ADGRL3: variants seen among roughly 807,000 people sequenced by gnomAD.
ADGRL3 encodes calcium-independent alpha-latrotoxin receptor 3.
In ADGRL3, 62 loss-of-function variants were observed where a neutral mutation model predicts 153.5. That is an observed-to-expected ratio of 0.40 (90% CI 0.33 to 0.50). ADGRL3 has a LOEUF of 0.50. ADGRL3 is among the 20% of genes least tolerant of loss of function. ADGRL3 has a pLI of 0.47. For missense variants in ADGRL3, 1,641 were observed against 1,859.4 expected, an observed-to-expected ratio of 0.88 and a Z score of 2.16; for synonymous variants, 710 against 672.5, an observed-to-expected ratio of 1.06 and a Z score of -0.86.
chr4:61,974,677 A>C (rs2150728276), intron 17 of ADGRL3, among the ~76,000 whole-genome samples: 1 of 152,326 alleles, frequency 6.6e-6, no homozygotes, highest in Admixed American at 6.5e-5. Flanking sequence ...ACAATGACTA[A>C]ATTGAAGTGA....
intron 4 of ADGRL3, among the ~76,000 whole-genome samples, chr4:61,520,387 A>T (rs1006965658): frequency 2.0e-5 from 3 of 152,184 alleles, no homozygotes; most frequent in African/African-American, 7.2e-5. Flanking sequence ...AACCACACAG[A>T]CAGTGGTGCC....
chr4:62,055,823 G>A (rs1176909057), intron 25 of ADGRL3, among the ~76,000 whole-genome samples: 1 of 151,518 alleles, frequency 6.6e-6, no homozygotes, highest in Admixed American at 6.6e-5. Flanking sequence ...CTAAAAATAG[G>A]AAACAAAATA....
intron 2 of ADGRL3, among the ~76,000 whole-genome samples, chr4:61,444,442 G>T (rs2097559719): frequency 6.6e-6 from 1 of 151,888 alleles, no homozygotes. Context: ...ATGTTTTTTT[G>T]TTCTTGAACA....
At chr4:61,736,947 A>G (rs1419074304) in intron 8 of ADGRL3, among the ~76,000 whole-genome samples, 2 of 152,354 alleles carry the variant, frequency 1.3e-5, no homozygotes, top group Middle Eastern at 3.4e-3. Context: ...GAATATGTAT[A>G]GAAATAAATT....
At position 61,221,496 on chromosome 4, in the gene ADGRL3, C is replaced by A. The variant is rs563987359; in HGVS notation, c.-240+19731C>A. ...TTCAAAAGAGACATACAATTTTAAA[C>A]CTCTCTTGATAGTTGAAAATATTTT... On this transcript the variant is annotated intron_variant, in intron 1 of 26. Transcript: ENST00000683033. 3.3e-5 allele frequency among the ~76,000 whole-genome samples: 5 copies of A among 152,200 alleles called. No homozygotes were observed. In the South Asian group the frequency reaches 1.0e-3, roughly 32 times the overall value.
At chr4:61,649,197 T>C (rs1315275462) in intron 5 of ADGRL3, among the ~76,000 whole-genome samples, 1 of 152,092 alleles carries the variant, frequency 6.6e-6, no homozygotes, top group East Asian at 1.9e-4. Flanking sequence ...TCTTAGTAGT[T>C]ACATATGGAT....
intron 17 of ADGRL3, among the ~76,000 whole-genome samples, chr4:61,969,290 T>G (rs1228302924): frequency 6.6e-6 from 1 of 151,982 alleles, no homozygotes; most frequent in Non-Finnish European, 1.5e-5. Context: ...CGTTGATTTT[T>G]TTGGGGGGTG....
chr4:61,370,664 T>A (rs1260959600), intron 1 of ADGRL3, among the ~76,000 whole-genome samples: 4 of 151,920 alleles, frequency 2.6e-5, no homozygotes, highest in African/African-American at 9.7e-5. Flanking sequence ...GTGGTCAATT[T>A]TGGAATAGGT....
intron 1 of ADGRL3, among the ~76,000 whole-genome samples, chr4:61,276,434 A>G (rs1284530195): frequency 6.6e-6 from 1 of 152,212 alleles, no homozygotes; most frequent in Admixed American, 6.5e-5. Context: ...CAATTCTGCT[A>G]TATATGAATT....
intron 2 of ADGRL3, among the ~76,000 whole-genome samples, chr4:61,460,736 G>A (rs1342593527): frequency 6.6e-6 from 1 of 152,096 alleles, no homozygotes; most frequent in Non-Finnish European, 1.5e-5. Flanking sequence ...ATGGCAGCAG[G>A]CAAGAGAGAA....
intron 12 of ADGRL3, among the ~76,000 whole-genome samples, chr4:61,911,412 T>C (rs2098721189): frequency 6.6e-6 from 1 of 152,162 alleles, no homozygotes; most frequent in Admixed American, 6.6e-5. Context: ...TTGGCTCTTT[T>C]CAGTTGTTTA....
At chr4:61,375,665 C>T (rs1361288160) in intron 1 of ADGRL3, among the ~76,000 whole-genome samples, 3 of 151,990 alleles carry the variant, frequency 2.0e-5, no homozygotes, top group Admixed American at 6.6e-5. Flanking sequence ...AGTACAGAGC[C>T]TCTGTAAACG....
At chr4:61,319,183 T>G (rs943594151) in intron 1 of ADGRL3, among the ~76,000 whole-genome samples, 4 of 152,080 alleles carry the variant, frequency 2.6e-5, no homozygotes, top group African/African-American at 9.7e-5. Context: ...AGTGTAAAAA[T>G]TTGTTAGAGA....
At chr4:61,562,553 G>A (rs1180477895) in intron 4 of ADGRL3, among the ~76,000 whole-genome samples, 1 of 152,092 alleles carries the variant, frequency 6.6e-6, no homozygotes, top group Non-Finnish European at 1.5e-5. Context: ...CTCCCAGAAT[G>A]TTCACCCGGA....
In ADGRL3 at chr4:61,269,583, A is replaced by G. The variant is rs568123929; in HGVS notation, c.-240+67818A>G. On this transcript the variant is annotated intron_variant, in intron 1 of 26. Transcript: ENST00000683033. ...AAACATGACATTAAATAAAGCCATAAAAAACTCTATTTTGCTTTGCAACTT... is the reference window on the plus strand; with the variant it reads ...AAACATGACATTAAATAAAGCCATAGAAAACTCTATTTTGCTTTGCAACTT... 2.0e-5 allele frequency among the ~76,000 whole-genome samples: 3 copies of G among 151,834 alleles called. No homozygotes were observed. In the East Asian group the frequency reaches 5.8e-4, roughly 29 times the overall value.
chr4:61,921,305 G>A (rs557277643), intron 13 of ADGRL3, among the ~76,000 whole-genome samples: 2 of 152,050 alleles, frequency 1.3e-5, no homozygotes, highest in East Asian at 1.9e-4. Context: ...TCCAGGGCAC[G>A]CCACTGACAT....
At chr4:61,492,020 A>C (rs201918803) in intron 2 of ADGRL3, among the ~76,000 whole-genome samples, 2 of 150,572 alleles carry the variant, frequency 1.3e-5, no homozygotes, top group African/African-American at 4.9e-5. Context: ...AACAATGAAA[A>C]AAACAAACAA....
chr4:61,768,158 C>T (rs1052215807), intron 8 of ADGRL3, among the ~76,000 whole-genome samples: 2 of 152,066 alleles, frequency 1.3e-5, no homozygotes, highest in East Asian at 1.9e-4. Context: ...GAGCATTAAC[C>T]TTGACTATGC....
intron 13 of ADGRL3, among the ~76,000 whole-genome samples, chr4:61,925,582 T>C (rs1350723981): frequency 6.6e-6 from 1 of 151,994 alleles, no homozygotes; most frequent in African/African-American, 2.4e-5. Context: ...ATTCTACTCA[T>C]GGAAGAAGGC....
Sources: allele counts gnomAD v4.1 joint callset (sites outside exome capture counted in the v4.1 genomes callset), GRCh38; gene constraint gnomAD v4.1.1; transcripts MANE v1.5; gene names NCBI Gene and HGNC (gene_info 2026-07-23, HGNC 2026-07-21).